Variants in CPQ observed in about 807,000 individuals in gnomAD.
The protein encoded by CPQ is carboxypeptidase Q, also known as Ser-Met dipeptidase.
In CPQ, 37 loss-of-function variants were observed where a neutral mutation model predicts 45.7. The ratio of observed to expected loss-of-function variants is 0.81; its 90% CI spans 0.62 to 1.07. The LOEUF (loss-of-function observed/expected upper bound fraction) is 1.07, where lower values mean the gene tolerates loss of function less well. Among genes scored for constraint, CPQ ranks in the 50% least tolerant of loss-of-function variants. CPQ has a pLI of 0.00. For missense variants in CPQ, 537 were observed against 572.9 expected, an observed-to-expected ratio of 0.94 and a Z score of 0.64; for synonymous variants, 186 against 205.8, an observed-to-expected ratio of 0.90 and a Z score of 0.82.
At chr8:96,969,496 C>T (rs1251915409) in intron 5 of CPQ, among the ~76,000 whole-genome samples, 1 of 152,184 alleles carries the variant, frequency 6.6e-6, no homozygotes, top group African/African-American at 2.4e-5. Context: ...GGTAAAGAAA[C>T]AGACCAACAT....
At chr8:96,845,179 T>C (rs1488862691) in intron 3 of CPQ, among the ~76,000 whole-genome samples, 1 of 152,210 alleles carries the variant, frequency 6.6e-6, no homozygotes. Context: ...GCACTCTCCC[T>C]CAAACTCTCT....
Position 96,965,938 on chromosome 8 carries a change from G to C in CPQ, c.853G>C (p.Val285Leu). The C allele has an allele frequency of 6.2e-7, 1 of 1,607,884 alleles. No homozygotes were observed. The highest frequency in any genetic ancestry group is 8.5e-7 in the Non-Finnish European group (1 of 1,177,040). ...ITGSKYPEQV[V>L]LVSGHLDSWD... is the part of the protein sequence containing the mutation. The stretch of plus-strand genomic sequence containing the variant: ...AACTTTTTATTATTTGTTCTAGGTT[G>C]TACTGGTCAGTGGACATCTGGACAG... The change falls in exon 5 of 8, where the codon GTA becomes CTA. Residue 285 changes from valine to leucine, a missense_variant. Transcript: ENST00000220763.
At chr8:96,757,986 T>A (rs2130789633) in intron 1 of CPQ, among the ~76,000 whole-genome samples, 2 of 152,350 alleles carry the variant, frequency 1.3e-5, no homozygotes, top group South Asian at 4.1e-4. Flanking sequence ...GATGGTTTTT[T>A]CAAATGTCTA....
chr8:96,915,479 A>T (rs541586256), intron 4 of CPQ, among the ~76,000 whole-genome samples: 1 of 152,190 alleles, frequency 6.6e-6, no homozygotes, highest in Non-Finnish European at 1.5e-5. Context: ...ATAAGAGAAA[A>T]CATACTACCC....
chr8:96,905,377 G>A (rs138231891), intron 4 of CPQ, among the ~76,000 whole-genome samples: 4 of 152,300 alleles, frequency 2.6e-5, no homozygotes, highest in African/African-American at 9.6e-5. Flanking sequence ...CCATAAGCAT[G>A]TGGTTACAGA....
chr8:97,112,374 G>A (rs576929938), intron 7 of CPQ, among the ~76,000 whole-genome samples: 2 of 152,206 alleles, frequency 1.3e-5, no homozygotes, highest in Admixed American at 1.3e-4. Flanking sequence ...AGGACATCTG[G>A]GAAGGCCTCA....
At position 97,073,307 on chromosome 8, in the gene CPQ, C is replaced by A. The variant is rs183513235; in HGVS notation, c.1255+7097C>A. Among the ~76,000 whole-genome samples the A allele has an allele frequency of 1.7e-3, 254 of 152,268 alleles. 3 individuals carry two copies. Among genetic ancestry groups the A allele is most frequent in the Admixed American group, 0.013 (197 of 15,296 alleles). On this transcript the variant is annotated intron_variant, in intron 7 of 7. Transcript: ENST00000220763. ...TCTAAAATGTTCTAAGAAAGGAGACCTCAGGACACAAGTAGAAATGGTACT... is the reference window on the plus strand; with the variant it reads ...TCTAAAATGTTCTAAGAAAGGAGACATCAGGACACAAGTAGAAATGGTACT...
chr8:96,886,940 A>C (rs1336943774), intron 4 of CPQ, among the ~76,000 whole-genome samples: 1 of 152,108 alleles, frequency 6.6e-6, no homozygotes, highest in Non-Finnish European at 1.5e-5. Context: ...CCCCTGAAGG[A>C]GTTTCACCTG....
At chr8:96,674,271 T>G (rs1809045233) in intron 1 of CPQ, among the ~76,000 whole-genome samples, 2 of 152,294 alleles carry the variant, frequency 1.3e-5, no homozygotes, top group South Asian at 2.1e-4. Context: ...GAACCTTTTT[T>G]CCCCCTGTCC....
chr8:96,778,866 A>G lies in CPQ; in HGVS notation c.-34-5998A>G, dbSNP rs192273931. ...TGGATCACAAGGTCAGGAGATCGAG[A>G]TCAGCCTGGCCAATATGGTGAAAAG... On this transcript the variant is annotated intron_variant, in intron 1 of 7. Transcript: ENST00000220763. Among the ~76,000 whole-genome samples the G allele has an allele frequency of 4.6e-5, 7 of 152,224 alleles. 1 individual carries two copies. In the East Asian group the frequency reaches 1.4e-3, roughly 29 times the overall value.
intron 6 of CPQ, among the ~76,000 whole-genome samples, chr8:97,062,995 C>T (rs1020044587): frequency 6.6e-6 from 1 of 152,080 alleles, no homozygotes; most frequent in South Asian, 2.1e-4. Context: ...TGGTATATAC[C>T]CAGTAATGGG....
At chr8:96,702,578 A>G (rs185805214) in intron 1 of CPQ, among the ~76,000 whole-genome samples, 10 of 152,300 alleles carry the variant, frequency 6.6e-5, no homozygotes, top group Admixed American at 6.5e-4. Flanking sequence ...TTAACACTAT[A>G]TATATTAAGT....
intron 5 of CPQ, among the ~76,000 whole-genome samples, chr8:97,009,930 C>T (rs1249878338): frequency 1.3e-5 from 2 of 152,122 alleles, no homozygotes; most frequent in African/African-American, 4.8e-5. Flanking sequence ...TTTGTATCTA[C>T]CTTTGTACTG....
At chr8:97,124,228 A>AC (rs1191724159) in intron 7 of CPQ, among the ~76,000 whole-genome samples, 2 of 127,994 alleles carry the variant, frequency 1.6e-5, no homozygotes, top group African/African-American at 3.3e-5. Context: ...TCCGTCTCAA[A>AC]AAAAAAAAAA....
Position 96,650,398 on chromosome 8 carries a change from G to A in CPQ, c.-35+4996G>A, listed in dbSNP as rs561992157. On this transcript the variant is annotated intron_variant, in intron 1 of 7. Coordinates refer to ENST00000220763, the MANE Select transcript of CPQ (RefSeq NM_016134.4). ...TCCTTGGAAAAAAGATTCGCATAGC[G>A]CCTTATATTTAAAAAGCAATTTTAT... 6.2e-4 allele frequency among the ~76,000 whole-genome samples: 95 copies of A among 152,290 alleles called. No individual in the cohort carries two copies. The South Asian group carries it at 8.5e-3, about 14-fold the overall frequency.
intron 2 of CPQ, among the ~76,000 whole-genome samples, chr8:96,829,338 C>T (rs1157186751): frequency 2.6e-5 from 4 of 152,126 alleles, no homozygotes; most frequent in Non-Finnish European, 5.9e-5. Flanking sequence ...GGTCATGTGC[C>T]TTCAGTTATC....
intron 1 of CPQ, 106 bp from the exon 2 acceptor site, chr8:96,784,758 G>T (rs1262677704): frequency 1.2e-5 from 9 of 760,080 alleles, no homozygotes; most frequent in Non-Finnish European, 1.9e-5. Flanking sequence ...GTTGGGCAGT[G>T]GTTGGGAAGG....
intron 1 of CPQ, among the ~76,000 whole-genome samples, chr8:96,771,516 A>G (rs1810543296): frequency 6.6e-6 from 1 of 152,110 alleles, no homozygotes; most frequent in South Asian, 2.1e-4. Context: ...CCATCATGTG[A>G]AAAATAGATA....
intron 1 of CPQ, among the ~76,000 whole-genome samples, chr8:96,646,546 C>T (rs1022328790): frequency 2.6e-5 from 4 of 152,172 alleles, no homozygotes; most frequent in South Asian, 2.1e-4. Context: ...CCCAGAAAGA[C>T]GCTTATCTGT....
Sources: gnomAD v4.1 joint callset for allele counts (sites outside exome capture counted in the v4.1 genomes callset) on GRCh38, gnomAD v4.1.1 for gene constraint, MANE v1.5 for transcripts, NCBI Gene and HGNC (gene_info 2026-07-23, HGNC 2026-07-21) for gene names.